Variants in PRKN observed in about 807,000 individuals in gnomAD.
The protein encoded by PRKN is E3 ubiquitin-protein ligase parkin.
In PRKN, 56 loss-of-function variants were observed where a neutral mutation model predicts 59.5. The ratio of observed to expected loss-of-function variants is 0.94; its 90% CI spans 0.76 to 1.18. PRKN has a LOEUF of 1.18. Ranked by LOEUF, PRKN falls within the 50% of genes most tolerant of loss-of-function variation. PRKN has a pLI of 0.00. For synonymous variants in PRKN, 250 were observed against 222.1 expected, an observed-to-expected ratio of 1.13 and a Z score of -1.12; for missense variants, 657 against 596.4, an observed-to-expected ratio of 1.10 and a Z score of -1.06.
intron 6 of PRKN, among the ~76,000 whole-genome samples, chr6:161,930,178 CTGTT>C (rs1038555299): frequency 2.1e-4 from 32 of 152,268 alleles, no homozygotes; most frequent in African/African-American, 7.2e-4. Flanking sequence ...ATCTTGGTGT[CTGTT>C]TATTTATCCA....
intron 1 of PRKN, among the ~76,000 whole-genome samples, chr6:162,474,056 CTGATT>C (rs1251405289): frequency 6.6e-6 from 1 of 152,040 alleles, no homozygotes; most frequent in Non-Finnish European, 1.5e-5. Flanking sequence ...TCCAGGATAG[CTGATT>C]TGTTTTACTA....
intron 9 of PRKN, among the ~76,000 whole-genome samples, chr6:161,403,984 T>G (rs974210210): frequency 1.9e-4 from 29 of 152,274 alleles, no homozygotes; most frequent in African/African-American, 6.5e-4. Flanking sequence ...AACTTTTCTT[T>G]ATAAATTACC....
intron 6 of PRKN, among the ~76,000 whole-genome samples, chr6:161,794,839 A>T (rs1445817339): frequency 6.6e-6 from 1 of 152,120 alleles, no homozygotes; most frequent in Non-Finnish European, 1.5e-5. Context: ...TTCACTGTCT[A>T]ATTTCTTGTA....
intron 6 of PRKN, among the ~76,000 whole-genome samples, chr6:161,905,464 CCTT>C (rs1156810724): frequency 6.6e-6 from 1 of 152,126 alleles, no homozygotes; most frequent in Non-Finnish European, 1.5e-5. Context: ...AGCTGCCTTT[CCTT>C]CTTCTTGTTG....
chr6:162,506,530 C>T (rs975392098), intron 1 of PRKN, among the ~76,000 whole-genome samples: 3 of 152,060 alleles, frequency 2.0e-5, no homozygotes, highest in African/African-American at 7.2e-5. Flanking sequence ...ATGGAATTGG[C>T]AACAGCAAAT....
At chr6:161,751,785 A>G (rs948909532) in intron 7 of PRKN, among the ~76,000 whole-genome samples, 1 of 152,218 alleles carries the variant, frequency 6.6e-6, no homozygotes, top group South Asian at 2.1e-4. Context: ...GTATAAAGAA[A>G]ACAAAGAGGA....
At chr6:161,712,738 A>C (rs1786801896) in intron 7 of PRKN, among the ~76,000 whole-genome samples, 1 of 152,172 alleles carries the variant, frequency 6.6e-6, no homozygotes, top group Non-Finnish European at 1.5e-5. Context: ...TGTCATGACT[A>C]TCTCACAGAT....
chr6:161,807,935 C>A (rs1791404208), intron 6 of PRKN, among the ~76,000 whole-genome samples: 1 of 152,220 alleles, frequency 6.6e-6, no homozygotes, highest in Non-Finnish European at 1.5e-5. Flanking sequence ...CACACACCCT[C>A]CACAAACAAA....
At chr6:161,571,371 A>C (rs928729445) in intron 7 of PRKN, among the ~76,000 whole-genome samples, 5 of 152,242 alleles carry the variant, frequency 3.3e-5, no homozygotes, top group African/African-American at 1.2e-4. Flanking sequence ...GGACATATCA[A>C]CTAAATTATG....
At chr6:162,087,610 T>TTC (rs1465272027) in intron 4 of PRKN, among the ~76,000 whole-genome samples, 1 of 148,592 alleles carries the variant, frequency 6.7e-6, no homozygotes, top group Non-Finnish European at 1.5e-5. Context: ...TTTTTTTTTT[T>TTC]CTGAGACGGA....
At chr6:162,185,701 T>C (rs560255797) in intron 4 of PRKN, among the ~76,000 whole-genome samples, 16 of 152,168 alleles carry the variant, frequency 1.1e-4, no homozygotes, top group Non-Finnish European at 1.9e-4. Flanking sequence ...AATAGATGGC[T>C]GGAACATCTA....
chr6:162,075,704 A>C (rs1248871658), intron 4 of PRKN, among the ~76,000 whole-genome samples: 1 of 152,052 alleles, frequency 6.6e-6, no homozygotes, highest in African/African-American at 2.4e-5. Flanking sequence ...AGCTGGCTAG[A>C]TAAGGACTTA....
chr6:162,218,647 T>C (rs940423469), intron 3 of PRKN, among the ~76,000 whole-genome samples: 19 of 152,086 alleles, frequency 1.2e-4, no homozygotes, highest in Non-Finnish European at 5.9e-5. Flanking sequence ...AAGGTATCAG[T>C]TCAGTGGACA....
At chr6:162,619,948 A>G (rs1782594821) in intron 1 of PRKN, among the ~76,000 whole-genome samples, 1 of 152,226 alleles carries the variant, frequency 6.6e-6, no homozygotes, top group South Asian at 2.1e-4. Flanking sequence ...AATATTTTTT[A>G]TAAACAGAAA....
intron 9 of PRKN, among the ~76,000 whole-genome samples, chr6:161,430,600 G>A (rs1719020762): frequency 6.6e-6 from 1 of 151,914 alleles, no homozygotes; most frequent in Non-Finnish European, 1.5e-5. Flanking sequence ...TGGATCACGA[G>A]GTCAGGAGAT....
intron 10 of PRKN, among the ~76,000 whole-genome samples, chr6:161,383,714 G>A (rs769218133): frequency 1.4e-4 from 22 of 152,264 alleles, no homozygotes; most frequent in African/African-American, 2.6e-4. Flanking sequence ...AGTGATGCTC[G>A]CTCTGAGGCC....
chr6:161,897,752 C>T (rs544963334), intron 6 of PRKN, among the ~76,000 whole-genome samples: 43 of 151,620 alleles, frequency 2.8e-4, no homozygotes, highest in Non-Finnish European at 4.0e-4. Flanking sequence ...GAGGCTGAGG[C>T]GGGTGGATCA....
At chr6:162,010,340 AAAT>A (rs1310281685) in intron 5 of PRKN, among the ~76,000 whole-genome samples, 1 of 121,624 alleles carries the variant, frequency 8.2e-6, no homozygotes, top group African/African-American at 3.2e-5. Context: ...TATAATATAT[AAAT>A]AATATACATT....
At chr6:161,945,280 C>T (rs140224479) in intron 6 of PRKN, among the ~76,000 whole-genome samples, 179 of 152,230 alleles carry the variant, frequency 1.2e-3, no homozygotes, top group African/African-American at 4.2e-3. Flanking sequence ...ATTGGGTTAC[C>T]ATCAAAGCCA....
Sources: allele counts gnomAD v4.1 joint callset (sites outside exome capture counted in the v4.1 genomes callset), GRCh38; gene constraint gnomAD v4.1.1; transcripts MANE v1.5; gene names NCBI Gene and HGNC (gene_info 2026-07-23, HGNC 2026-07-21).